The following FMR1NB variants were observed in gnomAD, a reference collection of about 807,000 sequenced individuals.
FMR1NB encodes the protein FMR1 neighbor.
A neutral mutation model predicts 16.8 loss-of-function variants in FMR1NB; 10 were observed. That is an observed-to-expected ratio of 0.60 (90% CI 0.37 to 1.01). The LOEUF is 1.01. Ranked by LOEUF, FMR1NB falls within the 50% of genes least tolerant of loss-of-function variation. The probability of loss-of-function intolerance (pLI) is 0.01; values close to 1 mark genes in which losing one functional copy is unlikely to be tolerated. For missense variants in FMR1NB, 205 were observed against 204.8 expected (o/e 1.00, Z 0.00); for synonymous variants, 83 against 79.1 (o/e 1.05, Z -0.26).
rs112983454 is a variant in FMR1NB at position 148,019,955 on chromosome X, G to A, written c.633-4910G>A. On this transcript the variant is annotated intron_variant, in intron 4 of 5. Transcript: ENST00000370467. ...GGCACTGGGACTCTACAAACAGCAGGTGGCAAAGCCAGCCAGCCTTGTATC... is the reference window on the plus strand; with the variant it reads ...GGCACTGGGACTCTACAAACAGCAGATGGCAAAGCCAGCCAGCCTTGTATC... Among the ~76,000 whole-genome samples, 703 of 112,372 alleles carry A rather than the reference G, an allele frequency of 6.3e-3. 7 individuals are homozygous for A. The highest frequency in any genetic ancestry group is 0.021 in the African/African-American group (651 of 30,931).
At chrX:147,984,656 TAGAG>T (rs1569546513) in intron 1 of FMR1NB, among the ~76,000 whole-genome samples, 3 of 111,865 alleles carry the variant, frequency 2.7e-5, no homozygotes, top group Non-Finnish European at 5.6e-5. Flanking sequence ...TATCTGTAAA[TAGAG>T]AGAGTTTTAC....
chrX:148,000,261 A>G (rs1381998341), intron 1 of FMR1NB, among the ~76,000 whole-genome samples: 1 of 112,195 alleles, frequency 8.9e-6, no homozygotes, highest in African/African-American at 3.2e-5. Flanking sequence ...AGCAAAAGAT[A>G]AAGAACTACC....
chrX:147,985,122 T>A (rs1035401422), intron 1 of FMR1NB, among the ~76,000 whole-genome samples: 1 of 111,232 alleles, frequency 9.0e-6, no homozygotes, highest in Non-Finnish European at 1.9e-5. Flanking sequence ...GCGATATTGG[T>A]CTGCAGTTTT....
intron 4 of FMR1NB, among the ~76,000 whole-genome samples, chrX:148,022,845 T>C (rs1304088633): frequency 3.6e-5 from 4 of 110,187 alleles, no homozygotes; most frequent in African/African-American, 1.4e-4. Flanking sequence ...AGAAAATCTG[T>C]AGATAAAGAA....
chrX:148,010,474 A>G lies in FMR1NB; in HGVS notation c.632+1763A>G, dbSNP rs782775488. Among the ~76,000 whole-genome samples the G allele has an allele frequency of 8.0e-5, 9 of 111,975 alleles. No individual in the cohort carries two copies. The South Asian group carries it at 1.5e-3, about 19-fold the overall frequency. ...GGAAATCCCATCCCTGATATCAAAC[A>G]AGGAGCCAAGTGCAGGCCATAGTCA... On this transcript the variant is annotated intron_variant, in intron 4 of 5. Coordinates refer to ENST00000370467, the MANE Select transcript of FMR1NB (RefSeq NM_152578.3).
intron 1 of FMR1NB, among the ~76,000 whole-genome samples, chrX:147,986,875 A>T (rs899717084): frequency 8.9e-6 from 1 of 111,805 alleles, no homozygotes; most frequent in South Asian, 3.7e-4. Flanking sequence ...TGGTATCTTG[A>T]TGGGAATAGC....
intron 1 of FMR1NB, among the ~76,000 whole-genome samples, chrX:147,992,411 G>A (rs1318142602): frequency 1.1e-4 from 2 of 17,870 alleles, no homozygotes; most frequent in African/African-American, 6.4e-4. Context: ...AGTAGGGGCC[G>A]CCGGGCAGAG....
At chrX:147,996,306 C>G (rs1189203916) in intron 1 of FMR1NB, among the ~76,000 whole-genome samples, 1 of 111,886 alleles carries the variant, frequency 8.9e-6, no homozygotes, top group Non-Finnish European at 1.9e-5. Flanking sequence ...ATTTAATCCT[C>G]ATAACACTTC....
At chrX:148,005,190 T>C (rs2044590172) in intron 2 of FMR1NB, among the ~76,000 whole-genome samples, 1 of 112,608 alleles carries the variant, frequency 8.9e-6, no homozygotes, top group African/African-American at 3.2e-5. Flanking sequence ...GCCTGGCCTG[T>C]GTTAATTTTA....
chrX:148,003,229 A>G lies in FMR1NB; in HGVS notation c.306A>G (p.Gly102=), dbSNP rs782441442. 5 of 1,208,480 alleles carry G rather than the reference A, an allele frequency of 4.1e-6. No homozygotes were observed. The South Asian group carries it at 7.1e-5, about 17-fold the overall frequency. Residue 102 remains glycine (G), a synonymous_variant, in exon 2 of 6, where the codon GGA becomes GGG. Transcript: ENST00000370467. ...SGSSYFVLAN[G]HILPNSENAH... ...CCTCATATTTTGTGCTTGCAAATGG[A>G]CATATCCTGCCCAACAGTGAAAATG...
At chrX:147,994,995 T>A (rs1557188036) in intron 1 of FMR1NB, among the ~76,000 whole-genome samples, 1 of 111,766 alleles carries the variant, frequency 8.9e-6, no homozygotes. Flanking sequence ...CAAGTTAAAA[T>A]GAGGTCATCT....
chrX:148,013,383 TC>T (rs60130438), intron 4 of FMR1NB, among the ~76,000 whole-genome samples: 577 of 111,881 alleles, frequency 5.2e-3, no homozygotes, highest in African/African-American at 0.017. Context: ...CTTGAAATTT[TC>T]CCCCCTTGGA....
At chrX:147,987,793 C>A (rs190714652) in intron 1 of FMR1NB, among the ~76,000 whole-genome samples, 46 of 110,516 alleles carry the variant, frequency 4.2e-4, no homozygotes, top group African/African-American at 1.4e-3. Context: ...TATGTAATGC[C>A]CTTCTTTGTC....
intron 1 of FMR1NB, among the ~76,000 whole-genome samples, chrX:147,996,156 T>C (rs184225289): frequency 8.9e-6 from 1 of 111,772 alleles, no homozygotes; most frequent in East Asian, 2.8e-4. Flanking sequence ...ATATTTGCTA[T>C]TAAGAAAGTT....
At chrX:147,985,969 C>G (rs782786697) in intron 1 of FMR1NB, among the ~76,000 whole-genome samples, 5 of 112,539 alleles carry the variant, frequency 4.4e-5, no homozygotes, top group African/African-American at 1.6e-4. Context: ...TTCACATCCT[C>G]ACCAGCATCT....
intron 1 of FMR1NB, among the ~76,000 whole-genome samples, chrX:147,997,668 G>A (rs556926080): frequency 3.6e-5 from 4 of 111,659 alleles, no homozygotes; most frequent in Non-Finnish European, 7.5e-5. Context: ...GGAGTGAACT[G>A]GCAACCTATA....
At chrX:147,983,899 T>G (rs2044463464) in intron 1 of FMR1NB, among the ~76,000 whole-genome samples, 2 of 111,240 alleles carry the variant, frequency 1.8e-5, no homozygotes, top group South Asian at 7.7e-4. Context: ...TTGGAGTTGA[T>G]TTTGGCATAT....
chrX:148,001,282 A>T (rs1354845995), intron 1 of FMR1NB, among the ~76,000 whole-genome samples: 1 of 112,328 alleles, frequency 8.9e-6, no homozygotes, highest in Non-Finnish European at 1.9e-5. Flanking sequence ...ATGAGTCTAC[A>T]TTTAATTGAA....
At chrX:148,021,475 G>C (rs1208398216) in intron 4 of FMR1NB, among the ~76,000 whole-genome samples, 8 of 106,663 alleles carry the variant, frequency 7.5e-5, no homozygotes, top group African/African-American at 2.8e-4. Flanking sequence ...GTAATTGTTA[G>C]AGCATTCTGT....
Sources: gnomAD v4.1 joint callset for allele counts (sites outside exome capture counted in the v4.1 genomes callset) on GRCh38, gnomAD v4.1.1 for gene constraint, MANE v1.5 for transcripts, NCBI Gene and HGNC (gene_info 2026-07-23, HGNC 2026-07-21) for gene names.